SASS6: variants seen among roughly 807,000 people sequenced by gnomAD.
SASS6 encodes the protein spindle assembly abnormal protein 6 homolog.
Under a neutral mutation model 94.9 loss-of-function variants are expected in SASS6, and 59 were observed. The ratio of observed to expected loss-of-function variants is 0.62; its 90% confidence interval spans 0.50 to 0.77. The LOEUF (loss-of-function observed/expected upper bound fraction) is 0.77, where lower values mean the gene tolerates loss of function less well. Ranked by LOEUF, SASS6 falls within the 30% of genes least tolerant of loss-of-function variation. The pLI, the probability that SASS6 is intolerant of heterozygous loss-of-function variation, is 0.00. For missense variants in SASS6, 698 were observed against 734.1 expected (o/e 0.95, Z 0.57); for synonymous variants, 264 against 270.0 (o/e 0.98, Z 0.22).
chr1:100,118,661 G>A (rs111467404), intron 7 of SASS6, among the ~76,000 whole-genome samples: 55 of 152,142 alleles, frequency 3.6e-4, no homozygotes, highest in African/African-American at 1.2e-3. Context: ...CACATTAAGC[G>A]AAGAAAGTTA....
chr1:100,108,032 C>A (rs1436416737), intron 8 of SASS6, 28 bp from the exon 9 acceptor site: 4 of 1,440,570 alleles, frequency 2.8e-6, no homozygotes, highest in Admixed American at 2.1e-5. Context: ...AGAAATTAAG[C>A]ATTATGAAAA....
chr1:100,128,034 T>A (rs1039418878), intron 1 of SASS6, among the ~76,000 whole-genome samples: 11 of 152,054 alleles, frequency 7.2e-5, no homozygotes, highest in East Asian at 1.9e-4. Flanking sequence ...ATTTTAATTA[T>A]TTATTTATTT....
At chr1:100,122,725 G>A (rs755641875) in intron 3 of SASS6, among the ~76,000 whole-genome samples, 1 of 151,698 alleles carries the variant, frequency 6.6e-6, no homozygotes, top group Non-Finnish European at 1.5e-5. Context: ...GCTAATTTTT[G>A]TATTTTTAGT....
intron 7 of SASS6, among the ~76,000 whole-genome samples, chr1:100,113,901 G>C (rs1239135609): frequency 1.3e-5 from 2 of 151,882 alleles, no homozygotes; most frequent in African/African-American, 4.8e-5. Context: ...GCACACACCA[G>C]TAGTCCCTGC....
intron 2 of SASS6, among the ~76,000 whole-genome samples, chr1:100,125,185 AC>A (rs1654512331): frequency 6.6e-6 from 1 of 151,618 alleles, no homozygotes; most frequent in Non-Finnish European, 1.5e-5. Context: ...TATTGTTTTT[AC>A]ATTTATACCA....
chr1:100,117,214 C>T (rs1490030445), intron 7 of SASS6, among the ~76,000 whole-genome samples: 1 of 151,234 alleles, frequency 6.6e-6, no homozygotes, highest in East Asian at 1.9e-4. Context: ...ATTGCTTGAA[C>T]CTGGGAGGCA....
chr1:100,125,485 C>T (rs1020329679), intron 2 of SASS6, among the ~76,000 whole-genome samples: 2 of 151,282 alleles, frequency 1.3e-5, no homozygotes, highest in East Asian at 3.9e-4. Context: ...TCGAGACCAT[C>T]CTGGCCAACA....
At chr1:100,110,249 C>T (rs769081967) in intron 8 of SASS6, 43 bp downstream of exon 8, 20 of 1,233,576 alleles carry the variant, frequency 1.6e-5, no homozygotes, top group South Asian at 9.4e-5. Context: ...CAAATCAAAA[C>T]GTTCTCTTAA....
At chr1:100,126,287 A>G (rs927275622) in intron 1 of SASS6, among the ~76,000 whole-genome samples, 4 of 152,200 alleles carry the variant, frequency 2.6e-5, no homozygotes, top group African/African-American at 7.2e-5. Flanking sequence ...ACAAACCATC[A>G]ATTTAGTAAC....
Position 100,121,412 on chromosome 1 carries a change from T to C in SASS6, c.449A>G (p.Lys150Arg), listed in dbSNP as rs1654185560. ...KLLPGNDVEIKKFLAGCLKCS... is the reference protein window; with the variant it reads ...KLLPGNDVEIRKFLAGCLKCS... ...TTTCAAACAGCCTGCGAGAAATTTC[T>C]TTATCTCCACATCATTTCCAGGTAA... Residue 150 changes from lysine (K) to arginine (R), a missense_variant, in exon 5 of 17, where the codon AAG becomes AGG. Coordinates refer to ENST00000287482, the MANE Select transcript of SASS6 (RefSeq NM_194292.3). The C allele has an allele frequency of 6.3e-7, 1 of 1,586,358 alleles. No homozygotes were observed. The highest frequency in any genetic ancestry group is 8.5e-7 in the Non-Finnish European group (1 of 1,171,668).
chr1:100,130,097 T>A (rs983065584), intron 1 of SASS6, among the ~76,000 whole-genome samples: 1 of 152,224 alleles, frequency 6.6e-6, no homozygotes, highest in Non-Finnish European at 1.5e-5. Context: ...AAGGAAATTG[T>A]ACAAGATCTG....
At chr1:100,128,780 T>C (rs1261336549) in intron 1 of SASS6, among the ~76,000 whole-genome samples, 3 of 152,234 alleles carry the variant, frequency 2.0e-5, no homozygotes. Context: ...AGTTATGAGT[T>C]CTTCTAAATA....
Position 100,125,906 on chromosome 1 carries a change from T to C in SASS6, c.102A>G (p.Ser34=). 6.4e-7 allele frequency: 1 copy of C among 1,561,182 alleles called. No individual in the cohort carries two copies. The highest frequency in any genetic ancestry group is 1.2e-5 in the South Asian group (1 of 86,890). ...VSIRMSIELQ[S]VSNPVHRKDL... Reference sequence around the variant, plus strand: ...CCTTTCTGTGAACTGGATTAGAAACTGATTGTAGTTCAATGCTCATTCTTA... The same window carrying C: ...CCTTTCTGTGAACTGGATTAGAAACCGATTGTAGTTCAATGCTCATTCTTA... The change falls in exon 2 of 17, where the codon TCA becomes TCG. Residue 34 remains serine (S), a synonymous_variant. Coordinates refer to ENST00000287482, the MANE Select transcript of SASS6 (RefSeq NM_194292.3).
At chr1:100,125,767 A>G in intron 2 of SASS6, 115 bp downstream of exon 2, 2 of 679,210 alleles carry the variant, frequency 2.9e-6, no homozygotes, top group African/African-American at 1.9e-5. Flanking sequence ...GTTGCAAAAT[A>G]GCCTAAAATG....
At chr1:100,119,414 G>T (rs1015597318) in intron 6 of SASS6, among the ~76,000 whole-genome samples, 2 of 152,116 alleles carry the variant, frequency 1.3e-5, no homozygotes, top group African/African-American at 4.8e-5. Flanking sequence ...CAATAAAGAG[G>T]GGTAAGGGGA....
chr1:100,084,086 A>C lies in SASS6; in HGVS notation c.*1242T>G, dbSNP rs181817245. 1 of 151,898 alleles carries C rather than the reference A, an allele frequency of 6.6e-6. No individual in the cohort carries two copies. The highest frequency in any genetic ancestry group is 6.6e-5 in the Admixed American group (1 of 15,254). The allele number at this position is 151,898 out of a possible 1,614,324, so 9.4% of individuals were successfully genotyped here. A position where few individuals can be genotyped will look rare whatever the true frequency, so the allele number is the denominator to read the frequency against. On this transcript the variant is annotated 3_prime_UTR_variant, in exon 17 of 17. Coordinates refer to ENST00000287482, the MANE Select transcript of SASS6 (RefSeq NM_194292.3). ...ATATTAGTTACTGAATTTTCAGATT[A>C]GATCCCTAGTTTAAAGACACTTGCA...
intron 14 of SASS6, among the ~76,000 whole-genome samples, chr1:100,094,907 T>G (rs1007973070): frequency 6.6e-6 from 1 of 150,824 alleles, no homozygotes; most frequent in African/African-American, 2.4e-5. Flanking sequence ...GTAAATTAAC[T>G]CCAGCGATAT....
At chr1:100,124,921 C>CA (rs2101690700) in intron 2 of SASS6, among the ~76,000 whole-genome samples, 2 of 152,260 alleles carry the variant, frequency 1.3e-5, no homozygotes, top group South Asian at 4.1e-4. Context: ...ACTGATCTGA[C>CA]AGGAGGTGGA....
At chr1:100,112,139 G>A (rs1489620819) in intron 7 of SASS6, among the ~76,000 whole-genome samples, 2 of 152,028 alleles carry the variant, frequency 1.3e-5, no homozygotes, top group Non-Finnish European at 1.5e-5. Flanking sequence ...AAATAATAGA[G>A]TCTAACAGAA....
Sources: allele counts gnomAD v4.1 joint callset (sites outside exome capture counted in the v4.1 genomes callset), GRCh38; gene constraint gnomAD v4.1.1; transcripts MANE v1.5; gene names NCBI Gene and HGNC (gene_info 2026-07-23, HGNC 2026-07-21).